Variants in MSH3 observed in about 807,000 individuals in gnomAD.
MSH3 encodes the protein mutS homolog 3, also known as DNA mismatch repair protein Msh3.
Under a neutral mutation model 123.3 loss-of-function variants are expected in MSH3, and 106 were observed. The ratio of observed to expected loss-of-function variants is 0.86; its 90% CI spans 0.73 to 1.01. The LOEUF is 1.01. Among genes scored for constraint, MSH3 ranks in the 50% least tolerant of loss-of-function variants. MSH3 has a pLI of 0.00. For synonymous variants in MSH3, 515 were observed against 481.4 expected (o/e 1.07, Z -0.91); for missense variants, 1,459 against 1,347.6 (o/e 1.08, Z -1.29).
chr5:80,841,774 T>C (rs1259703060), intron 20 of MSH3, among the ~76,000 whole-genome samples: 1 of 152,234 alleles, frequency 6.6e-6, no homozygotes, highest in Non-Finnish European at 1.5e-5. Context: ...CTTGTAAATT[T>C]GTTTAAGTTC....
chr5:80,751,520 T>C (rs1375746119), intron 12 of MSH3, among the ~76,000 whole-genome samples: 1 of 152,150 alleles, frequency 6.6e-6, no homozygotes, highest in African/African-American at 2.4e-5. Flanking sequence ...GGAGAATCTG[T>C]TCTGGTCCTC....
chr5:80,654,940 C>A lies in MSH3; in HGVS notation c.213C>A (p.Phe71Leu), dbSNP rs1260687596. 5 of 1,473,180 alleles carry A rather than the reference C, an allele frequency of 3.4e-6. No individual in the cohort carries two copies. Among genetic ancestry groups the A allele is most frequent in the African/African-American group, 3.3e-5 (2 of 59,736 alleles). The allele number at this position is 1,473,180 out of a possible 1,614,324, so 91.3% of individuals were successfully genotyped here. The change falls in exon 1 of 24, where the codon TTC becomes TTA. Residue 71 changes from phenylalanine to leucine, a missense_variant. Physicochemically the swap from Phe to Leu is conservative, Grantham distance 22 (BLOSUM62 0). Coordinates refer to ENST00000265081, the MANE Select transcript of MSH3 (RefSeq NM_002439.5). ...AAPPAPPAPA[F>L]PPQLPPHIAT... is the part of the protein sequence containing the mutation. Reference sequence around the variant, plus strand: ...CCCCAGCGCCCCCAGCTCCCGCCTTCCCGCCCCAGCTGCCGCCGCACATAG... The same window carrying A: ...CCCCAGCGCCCCCAGCTCCCGCCTTACCGCCCCAGCTGCCGCCGCACATAG...
In MSH3 at chr5:80,665,223, C is replaced by T. The variant is rs977366961; in HGVS notation, c.439C>T (p.Pro147Ser). 15 of 1,614,006 alleles carry T rather than the reference C, an allele frequency of 9.3e-6. No homozygotes were observed. The East Asian group carries it at 2.2e-4, about 24-fold the overall frequency. Residue 147 changes from proline (P) to serine (S), a missense_variant, in exon 3 of 24, where the codon CCT becomes TCT. Pro to Ser is a moderately conservative substitution (Grantham distance 74). Coordinates refer to ENST00000265081, the MANE Select transcript of MSH3 (RefSeq NM_002439.5). Reference protein sequence around the residue: ...LKEFCCDSALPQSRVQTESLQ... With the variant: ...LKEFCCDSALSQSRVQTESLQ... ...AGAATTCTGCTGCGATTCTGCCCTT[C>T]CTCAAAGTAGAGTCCAGACAGAATC...
At chr5:80,873,429 A>T in intron 23 of MSH3, 142 bp downstream of exon 23, 1 of 799,562 alleles carries the variant, frequency 1.3e-6, no homozygotes, top group South Asian at 1.7e-5. Context: ...ATTATGATGA[A>T]GTGAAAACAG....
At chr5:80,758,659 T>C (rs530159155) in intron 12 of MSH3, among the ~76,000 whole-genome samples, 16 of 152,330 alleles carry the variant, frequency 1.1e-4, no homozygotes, top group African/African-American at 3.8e-4. Flanking sequence ...CCTTTTCCTT[T>C]ATGTTTTCCC....
intron 12 of MSH3, among the ~76,000 whole-genome samples, chr5:80,751,699 T>G (rs1743843386): frequency 6.6e-6 from 1 of 152,228 alleles, no homozygotes; most frequent in Non-Finnish European, 1.5e-5. Context: ...GGTCTACCCT[T>G]ACTGCAGAAT....
intron 10 of MSH3, among the ~76,000 whole-genome samples, chr5:80,738,504 G>A (rs1743554239): frequency 1.3e-5 from 2 of 152,224 alleles, no homozygotes; most frequent in South Asian, 2.1e-4. Flanking sequence ...TTCAGAATCC[G>A]AAGCCTAAAA....
chr5:80,846,543 G>A (rs994335371), intron 20 of MSH3, among the ~76,000 whole-genome samples: 1 of 152,152 alleles, frequency 6.6e-6, no homozygotes, highest in African/African-American at 2.4e-5. Context: ...AGGCCTTGCT[G>A]AACTGTGGTG....
At chr5:80,860,498 G>T (rs1294659507) in intron 21 of MSH3, among the ~76,000 whole-genome samples, 7 of 132,980 alleles carry the variant, frequency 5.3e-5, no homozygotes, top group African/African-American at 1.4e-4. Context: ...CTCTTTTCTT[G>T]CTTTTGTGGT....
At chr5:80,679,901 C>T (rs1478560741) in intron 8 of MSH3, among the ~76,000 whole-genome samples, 4 of 152,078 alleles carry the variant, frequency 2.6e-5, no homozygotes, top group African/African-American at 7.2e-5. Flanking sequence ...TGTATATTGA[C>T]GAATTTGGAC....
At chr5:80,660,127 A>C (rs1437026246) in intron 2 of MSH3, among the ~76,000 whole-genome samples, 4 of 152,122 alleles carry the variant, frequency 2.6e-5, no homozygotes, top group Non-Finnish European at 5.9e-5. Context: ...AAAGAGGTTT[A>C]ATTGGACTTA....
chr5:80,803,717 A>T lies in MSH3; in HGVS notation c.2656-9867A>T, dbSNP rs545752356. ...GTAGTTTCATAGTTTGAGGTTTTAG[A>T]TTTAAGTCTCTAATCCATTTTGATT... On this transcript the variant is annotated intron_variant, in intron 19 of 23. Transcript: ENST00000265081. Among the ~76,000 whole-genome samples the T allele has an allele frequency of 3.3e-5, 5 of 152,032 alleles. No homozygotes were observed. The South Asian group carries it at 1.0e-3, about 32-fold the overall frequency.
Position 80,702,580 on chromosome 5 carries a change from G to A in MSH3, c.1341-22873G>A, listed in dbSNP as rs370948144. 1.4e-4 allele frequency among the ~76,000 whole-genome samples: 21 copies of A among 152,268 alleles called. No homozygotes were observed. The East Asian group carries it at 1.9e-3, about 14-fold the overall frequency. ...AGTAGCTACTGTATAAGGCAATGTA[G>A]TTTTATAGACAGTAGCACAGCTGTA... On this transcript the variant is annotated intron_variant, in intron 8 of 23. Transcript: ENST00000265081.
In MSH3 at chr5:80,845,521, G is replaced by A. The variant is rs980345497; in HGVS notation, c.2814-8609G>A. Among the ~76,000 whole-genome samples the A allele has an allele frequency of 1.1e-4, 17 of 152,160 alleles. No individual in the cohort carries two copies. In the South Asian group the frequency reaches 1.9e-3, roughly 17 times the overall value. Reference sequence around the variant, plus strand: ...TTTCTAACTTAGTTCCATTCTCCCCGTCACTTTCCAGTACACCAATCAAAT... The same window carrying A: ...TTTCTAACTTAGTTCCATTCTCCCCATCACTTTCCAGTACACCAATCAAAT... On this transcript the variant is annotated intron_variant, in intron 20 of 23. Coordinates refer to ENST00000265081, the MANE Select transcript of MSH3 (RefSeq NM_002439.5).
chr5:80,864,754 AT>A, intron 21 of MSH3, 58 bp from the exon 22 acceptor site: 1 of 1,491,824 alleles, frequency 6.7e-7, no homozygotes, highest in Non-Finnish European at 9.2e-7. Context: ...TGGAAGACAG[AT>A]TTTAATTACA....
At chr5:80,860,769 C>T (rs995354323) in intron 21 of MSH3, among the ~76,000 whole-genome samples, 1 of 151,974 alleles carries the variant, frequency 6.6e-6, no homozygotes, top group African/African-American at 2.4e-5. Context: ...TTCTTTCTCT[C>T]TTTATTTTCT....
intron 8 of MSH3, among the ~76,000 whole-genome samples, chr5:80,681,614 C>G (rs1236397666): frequency 6.6e-6 from 1 of 151,188 alleles, no homozygotes; most frequent in African/African-American, 2.4e-5. Flanking sequence ...GTTCATTTTT[C>G]TTTATATTTT....
At chr5:80,779,464 C>T (rs2095272727) in intron 17 of MSH3, among the ~76,000 whole-genome samples, 1 of 151,918 alleles carries the variant, frequency 6.6e-6, no homozygotes, top group South Asian at 2.1e-4. Context: ...CCCCTAAATA[C>T]TTAAGCCTAC....
chr5:80,759,448 C>T (rs1218454723), intron 12 of MSH3, among the ~76,000 whole-genome samples: 1 of 152,120 alleles, frequency 6.6e-6, no homozygotes, highest in African/African-American at 2.4e-5. Flanking sequence ...GAGAAAGCCT[C>T]CATGTCAGAG....
Sources: allele counts gnomAD v4.1 joint callset (sites outside exome capture counted in the v4.1 genomes callset), GRCh38; gene constraint gnomAD v4.1.1; transcripts MANE v1.5; gene names NCBI Gene and HGNC (gene_info 2026-07-23, HGNC 2026-07-21).